Variants in PHF21A observed in about 807,000 individuals in gnomAD.
The protein encoded by PHF21A is BHC80a.
In PHF21A, 11 loss-of-function variants were observed where a neutral mutation model predicts 82.5. The observed-to-expected ratio is 0.13, with a 90% CI of 0.08 to 0.22. PHF21A has a LOEUF of 0.22. PHF21A is among the 10% of genes least tolerant of loss of function. PHF21A has a pLI of 1.00. For synonymous variants in PHF21A, 297 were observed against 302.8 expected (o/e 0.98, Z 0.20); for missense variants, 579 against 837.8 (o/e 0.69, Z 3.81).
chr11:46,017,557 C>T (rs2095540902), intron 6 of PHF21A, among the ~76,000 whole-genome samples: 1 of 151,018 alleles, frequency 6.6e-6, no homozygotes, highest in Non-Finnish European at 1.5e-5. Flanking sequence ...TTATAAGTTA[C>T]AGTTCAGGAT....
chr11:45,963,420 C>CAAAAA (rs35389845), intron 10 of PHF21A, among the ~76,000 whole-genome samples: 15 of 89,696 alleles, frequency 1.7e-4, no homozygotes, highest in Non-Finnish European at 3.2e-4. Context: ...AACTCTGTGT[C>CAAAAA]AAAAAAAAAA....
At chr11:46,064,220 C>T (rs1449126048) in intron 6 of PHF21A, among the ~76,000 whole-genome samples, 1 of 152,108 alleles carries the variant, frequency 6.6e-6, no homozygotes, top group Non-Finnish European at 1.5e-5. Context: ...AAGTTCAGAA[C>T]TGATCTCTAT....
At chr11:46,060,317 CT>C (rs1392214847) in intron 6 of PHF21A, among the ~76,000 whole-genome samples, 1 of 152,098 alleles carries the variant, frequency 6.6e-6, no homozygotes, top group Non-Finnish European at 1.5e-5. Flanking sequence ...CTTTTATAAA[CT>C]TTTGAAAAAC....
At chr11:45,992,665 CTTTAGTGGGAAAATGCA>C (rs2094753219) in intron 6 of PHF21A, among the ~76,000 whole-genome samples, 1 of 152,142 alleles carries the variant, frequency 6.6e-6, no homozygotes. Flanking sequence ...TGGGATGTGA[CTTTAGTGGGAAAATGCA>C]TAGACAAAAG....
intron 1 of PHF21A, among the ~76,000 whole-genome samples, chr11:46,104,210 T>C (rs1179586266): frequency 6.6e-6 from 1 of 152,228 alleles, no homozygotes; most frequent in Non-Finnish European, 1.5e-5. Flanking sequence ...TCTACAATTG[T>C]TTCCACTAGT....
chr11:46,113,154 C>T (rs534572471), intron 1 of PHF21A, among the ~76,000 whole-genome samples: 1 of 152,312 alleles, frequency 6.6e-6, no homozygotes, highest in African/African-American at 2.4e-5. Flanking sequence ...TCCCAGCATG[C>T]AGTGCTCTAA....
chr11:46,059,132 T>C (rs553946225), intron 6 of PHF21A, among the ~76,000 whole-genome samples: 5 of 152,166 alleles, frequency 3.3e-5, no homozygotes. Flanking sequence ...CCTTATCTGA[T>C]TTTTTTTACT....
intron 6 of PHF21A, among the ~76,000 whole-genome samples, chr11:46,027,999 A>G (rs188561788): frequency 2.4e-4 from 37 of 152,336 alleles, no homozygotes; most frequent in Admixed American, 2.4e-3. Flanking sequence ...CTACAGCCTA[A>G]TAATACAAAC....
intron 6 of PHF21A, among the ~76,000 whole-genome samples, chr11:46,028,430 T>C (rs1052105960): frequency 6.6e-6 from 1 of 152,146 alleles, no homozygotes; most frequent in Non-Finnish European, 1.5e-5. Flanking sequence ...CTTTCATAAT[T>C]AGAATAATAA....
chr11:45,971,000 G>T, intron 8 of PHF21A, 116 bp downstream of exon 8: 1 of 1,258,080 alleles, frequency 7.9e-7, no homozygotes, highest in Non-Finnish European at 1.1e-6. Flanking sequence ...AATTTGGTAT[G>T]CTAGAAGAAT....
chr11:46,111,705 C>T (rs1186477272), intron 1 of PHF21A, among the ~76,000 whole-genome samples: 2 of 152,174 alleles, frequency 1.3e-5, no homozygotes, highest in African/African-American at 2.4e-5. Flanking sequence ...ATCCCTTTCC[C>T]TTCTCAAACA....
At chr11:45,971,467 A>G (rs897594423) in intron 7 of PHF21A, 100 bp from the exon 8 acceptor site, 45 of 1,092,620 alleles carry the variant, frequency 4.1e-5, no homozygotes, top group Non-Finnish European at 5.6e-5. Flanking sequence ...GAAGAAAACA[A>G]AACAATAATT....
chr11:45,953,410 C>T (rs1323658772), intron 11 of PHF21A, 117 bp downstream of exon 11: 1 of 696,760 alleles, frequency 1.4e-6, no homozygotes, highest in African/African-American at 1.8e-5. Context: ...AATAAAAGTG[C>T]ATAAGAAAAT....
chr11:46,064,150 G>A (rs1458322297), intron 6 of PHF21A, among the ~76,000 whole-genome samples: 1 of 152,128 alleles, frequency 6.6e-6, no homozygotes, highest in Non-Finnish European at 1.5e-5. Flanking sequence ...TATATTAGAT[G>A]ACAGAAGCAC....
chr11:45,950,093 T>C, intron 12 of PHF21A, 113 bp downstream of exon 12: 1 of 832,928 alleles, frequency 1.2e-6, no homozygotes. Context: ...ATTGGCTGAA[T>C]CATACTCTAT....
chr11:46,009,613 T>C (rs2095370986), intron 6 of PHF21A, among the ~76,000 whole-genome samples: 1 of 152,240 alleles, frequency 6.6e-6, no homozygotes, highest in Non-Finnish European at 1.5e-5. Flanking sequence ...CTATATAGTA[T>C]GCTATTTTAC....
At chr11:46,087,743 A>G (rs1322610831) in intron 3 of PHF21A, among the ~76,000 whole-genome samples, 2 of 152,092 alleles carry the variant, frequency 1.3e-5, no homozygotes, top group African/African-American at 4.8e-5. Flanking sequence ...TCACGAATAC[A>G]TGCTGAATAT....
chr11:45,988,094 T>C (rs2094557516), intron 6 of PHF21A, among the ~76,000 whole-genome samples: 1 of 152,234 alleles, frequency 6.6e-6, no homozygotes, highest in Non-Finnish European at 1.5e-5. Context: ...TATCATTTTA[T>C]GGAACACTGC....
chr11:45,994,456 A>T (rs555846484), intron 6 of PHF21A, among the ~76,000 whole-genome samples: 1 of 152,294 alleles, frequency 6.6e-6, no homozygotes, highest in South Asian at 2.1e-4. Flanking sequence ...CTGCTTTCAG[A>T]GCTGCTACTA....
Sources: allele counts gnomAD v4.1 joint callset (sites outside exome capture counted in the v4.1 genomes callset), GRCh38; gene constraint gnomAD v4.1.1; transcripts MANE v1.5; gene names NCBI Gene and HGNC (gene_info 2026-07-23, HGNC 2026-07-21).